Variants in ANKRD30B observed in about 807,000 individuals in gnomAD.
The protein encoded by ANKRD30B is ankyrin repeat domain-containing protein 30B.
Under a neutral mutation model 202.2 loss-of-function variants are expected in ANKRD30B, and 144 were observed. The ratio of observed to expected loss-of-function variants is 0.71; its 90% CI spans 0.62 to 0.82. The LOEUF is 0.82. ANKRD30B is among the 40% of genes least tolerant of loss of function. ANKRD30B has a pLI of 0.00. For missense variants in ANKRD30B, 1,487 were observed against 1,669.1 expected (o/e 0.89, Z 1.90); for synonymous variants, 508 against 561.3 (o/e 0.91, Z 1.34).
chr18:14,861,043 A>C, the ANKRD30B span, among the ~76,000 whole-genome samples: 2 of 152,212 alleles, frequency 1.3e-5, no homozygotes, highest in African/African-American at 4.8e-5. Flanking sequence ...CTTCATAAAG[A>C]AAGGAAAATA....
At chr18:14,792,374 A>G (rs1968577868) in intron 16 of ANKRD30B, among the ~76,000 whole-genome samples, 1 of 152,228 alleles carries the variant, frequency 6.6e-6, no homozygotes, top group African/African-American at 2.4e-5. Context: ...TTAGGGGAGA[A>G]GAAGAAAGGG....
At chr18:14,936,529 G>A in the ANKRD30B span, among the ~76,000 whole-genome samples, 4 of 152,200 alleles carry the variant, frequency 2.6e-5, no homozygotes, top group Admixed American at 6.5e-5. Flanking sequence ...TTTGTACCTA[G>A]GGCGGAGGGT....
chr18:14,807,939 TCA>T, intron 24 of ANKRD30B, among the ~76,000 whole-genome samples: 1 of 151,140 alleles, frequency 6.6e-6, no homozygotes, highest in Non-Finnish European at 1.5e-5. Flanking sequence ...TACTCCTATA[TCA>T]CAGAGTATCA....
the ANKRD30B span, among the ~76,000 whole-genome samples, chr18:14,936,707 C>T: frequency 2.3e-4 from 35 of 152,286 alleles, no homozygotes; most frequent in African/African-American, 7.9e-4. Context: ...CCTCAATCAA[C>T]GTTCTTCCAC....
chr18:14,860,401 GCGCTCCTCACCTCCCAGA>G, the ANKRD30B span, among the ~76,000 whole-genome samples: 1 of 128,268 alleles, frequency 7.8e-6, no homozygotes, highest in Non-Finnish European at 1.6e-5. Context: ...CCGGGCAGAG[GCGCTCCTCACCTCCCAGA>G]TGGGGCAGCC....
At chr18:14,753,291 A>G (rs1005242905) in intron 3 of ANKRD30B, among the ~76,000 whole-genome samples, 1 of 152,070 alleles carries the variant, frequency 6.6e-6, no homozygotes, top group Non-Finnish European at 1.5e-5. Flanking sequence ...CTTTCCAATT[A>G]GTGTAAAACT....
At chr18:14,768,050 G>A (rs1916527275) in intron 7 of ANKRD30B, among the ~76,000 whole-genome samples, 2 of 152,172 alleles carry the variant, frequency 1.3e-5, no homozygotes, top group Non-Finnish European at 2.9e-5. Flanking sequence ...CTTCAGGATA[G>A]GAGCTGGTCA....
intron 8 of ANKRD30B, 95 bp downstream of exon 8, chr18:14,769,468 C>A: frequency 1.0e-6 from 1 of 978,004 alleles, no homozygotes; most frequent in Non-Finnish European, 1.5e-6. Context: ...CTGGGCTAGA[C>A]AACATATTAT....
chr18:14,892,667 A>G, the ANKRD30B span, among the ~76,000 whole-genome samples: 4 of 145,620 alleles, frequency 2.7e-5, no homozygotes, highest in African/African-American at 1.0e-4. Context: ...TTGAACCCAG[A>G]AGGTGGAGGC....
intron 33 of ANKRD30B, among the ~76,000 whole-genome samples, chr18:14,831,129 G>C (rs1230329052): frequency 8.3e-6 from 1 of 120,372 alleles, no homozygotes; most frequent in Non-Finnish European, 1.6e-5. Flanking sequence ...GCAGTGAGCA[G>C]AAATCGAGCC....
At chr18:14,924,818 C>G in the ANKRD30B span, among the ~76,000 whole-genome samples, 5 of 152,158 alleles carry the variant, frequency 3.3e-5, no homozygotes, top group Admixed American at 1.3e-4. Context: ...AGGGCTCAGA[C>G]CTTGAAATGA....
Position 14,811,299 on chromosome 18 carries a change from C to A in ANKRD30B, c.2488+1119C>A, listed in dbSNP as rs185591869. On this transcript the variant is annotated intron_variant, in intron 28 of 43. Coordinates refer to ENST00000690538, the MANE Select transcript of ANKRD30B (RefSeq NM_001367607.2). ...TGATCTTGGCGCACTGCAAGCTCCA[C>A]CTCCCGGCTTCACGCCATTCTCCTG... Among the ~76,000 whole-genome samples the A allele has an allele frequency of 4.6e-5, 7 of 151,300 alleles. 1 individual carries two copies. The highest frequency in any genetic ancestry group is 1.3e-4 in the Admixed American group (2 of 15,254).
In ANKRD30B at chr18:14,828,617, A is replaced by G. The variant is rs547405703; in HGVS notation, c.2774+309A>G. On this transcript the variant is annotated intron_variant, in intron 33 of 43. Transcript: ENST00000690538. The stretch of plus-strand genomic sequence containing the variant: ...CTAATCCCTTCCCTTCCCCCTTGGC[A>G]TAGATTGATGGAGACCTGTGGATCA... 3.4e-3 allele frequency among the ~76,000 whole-genome samples: 525 copies of G among 152,288 alleles called. 3 individuals are homozygous for G. The highest frequency in any genetic ancestry group is 0.014 in the Middle Eastern group (4 of 294).
the ANKRD30B span, among the ~76,000 whole-genome samples, chr18:14,936,926 T>G: frequency 6.6e-6 from 1 of 152,200 alleles, no homozygotes; most frequent in African/African-American, 2.4e-5. Context: ...AGGACATGTT[T>G]TCTCCTCTTT....
rs1276825837 is a variant in ANKRD30B at position 14,760,634 on chromosome 18, G to A, written c.820+16G>A. ...ACCAATCCAGGTAAGACTTCGGATA[G>A]CAAACTACTCTTGATGGTGCTACCA... On this transcript the variant is annotated intron_variant, in intron 6 of 43. Coordinates refer to ENST00000690538, the MANE Select transcript of ANKRD30B (RefSeq NM_001367607.2). 14 of 1,506,112 alleles carry A rather than the reference G, an allele frequency of 9.3e-6. No homozygotes were observed. Among genetic ancestry groups the A allele is most frequent in the Non-Finnish European group, 1.3e-5 (14 of 1,116,938 alleles). The allele number at this position is 1,506,112 out of a possible 1,614,324, so 93.3% of individuals were successfully genotyped here.
chr18:14,912,985 C>A, the ANKRD30B span, among the ~76,000 whole-genome samples: 510 of 152,314 alleles, frequency 3.3e-3, 2 homozygotes, highest in Non-Finnish European at 4.9e-3. Context: ...TGCAATTATG[C>A]AATTGCTGGG....
the ANKRD30B span, among the ~76,000 whole-genome samples, chr18:14,881,336 A>T: frequency 6.6e-6 from 1 of 152,078 alleles, no homozygotes. Context: ...GCATCTGTTG[A>T]TATAATCGTG....
At chr18:14,877,186 G>T in the ANKRD30B span, among the ~76,000 whole-genome samples, 1 of 152,240 alleles carries the variant, frequency 6.6e-6, no homozygotes, top group African/African-American at 2.4e-5. Context: ...GTTGGAATCT[G>T]ATTTGACTTC....
rs769812499 is a variant in ANKRD30B, at chr18:14,755,026, T to A, written c.617+21T>A. ...AAATGGTATGGTAGTTCTTTTTTTT[T>A]ACTAAAAAACACTTGACTAGTGTTC... On this transcript the variant is annotated intron_variant, in intron 4 of 43. Coordinates refer to ENST00000690538, the MANE Select transcript of ANKRD30B (RefSeq NM_001367607.2). 34 of 1,346,844 alleles carry A rather than the reference T, an allele frequency of 2.5e-5. 1 individual carries two copies. In the South Asian group the frequency reaches 3.4e-4, roughly 14 times the overall value. 83.4% of individuals were successfully genotyped at this position (1,346,844 alleles called of 1,614,324 possible). A position where few individuals can be genotyped will look rare whatever the true frequency, so the allele number is the denominator to read the frequency against.
Sources: allele counts gnomAD v4.1 joint callset (sites outside exome capture counted in the v4.1 genomes callset), GRCh38; gene constraint gnomAD v4.1.1; transcripts MANE v1.5; gene names NCBI Gene and HGNC (gene_info 2026-07-23, HGNC 2026-07-21).